Variants in UBAP1 observed in about 807,000 individuals in gnomAD.
UBAP1 encodes ubiquitin associated protein 1, also known as ubiquitin-associated protein 1.
A neutral mutation model predicts 39.0 loss-of-function variants in UBAP1; 5 were observed. The ratio of observed to expected loss-of-function variants is 0.13; its 90% CI spans 0.07 to 0.27. The LOEUF is 0.27. UBAP1 is among the 10% of genes least tolerant of loss of function. UBAP1 has a pLI of 1.00. For missense variants in UBAP1, 490 were observed against 608.1 expected, an observed-to-expected ratio of 0.81 and a Z score of 2.04; for synonymous variants, 211 against 225.1, an observed-to-expected ratio of 0.94 and a Z score of 0.56.
chr9:34,195,927 GTTTTTTTTTTTTTTTTTT>G (rs57040252), intron 1 of UBAP1, among the ~76,000 whole-genome samples: 493 of 36,150 alleles, frequency 0.014, 3 homozygotes, highest in East Asian at 0.099. Context: ...AAATTTTTTG[GTTTTTTTTTTTTTTTTTT>G]TTTTTTTTTT....
chr9:34,186,239 T>C (rs1830399148), intron 1 of UBAP1, among the ~76,000 whole-genome samples: 1 of 152,246 alleles, frequency 6.6e-6, no homozygotes. Context: ...CCTGATTATT[T>C]TGTACTTCAC....
intron 1 of UBAP1, among the ~76,000 whole-genome samples, chr9:34,190,403 C>T (rs1830647626): frequency 6.6e-6 from 1 of 152,084 alleles, no homozygotes; most frequent in South Asian, 2.1e-4. Flanking sequence ...GATTCTCCTG[C>T]CTCAGCCTCC....
At position 34,241,489 on chromosome 9, in the gene UBAP1, A is replaced by G; in HGVS notation, c.464A>G (p.Asn155Ser). 5.6e-6 allele frequency: 9 copies of G among 1,614,108 alleles called. No individual in the cohort carries two copies. Among genetic ancestry groups the G allele is most frequent in the Admixed American group, 1.7e-5 (1 of 60,010 alleles). ...LSPPHIKADF[N>S]LADFECEEDP... ...CCACCTCACATAAAGGCGGATTTCA[A>G]TCTTGCTGACTTTGAGTGTGAAGAA... The change falls in exon 4 of 7, where the codon AAT becomes AGT. Residue 155 changes from asparagine (N) to serine (S), a missense_variant. Asn to Ser is a conservative substitution (Grantham distance 46, BLOSUM62 1). Transcript: ENST00000297661.
chr9:34,184,644 AAG>A (rs200024667), intron 1 of UBAP1, among the ~76,000 whole-genome samples: 26,494 of 142,430 alleles, frequency 0.19, 3,103 homozygotes, highest in Non-Finnish European at 0.26. Context: ...AAAAAAAAAA[AAG>A]AGAGTCTCGC....
intron 6 of UBAP1, 54 bp from the exon 7 acceptor site, chr9:34,251,338 G>C: frequency 1.9e-6 from 3 of 1,591,748 alleles, no homozygotes; most frequent in Non-Finnish European, 2.6e-6. Context: ...CCTTCACTCA[G>C]CTGTGCTGTG....
intron 1 of UBAP1, among the ~76,000 whole-genome samples, chr9:34,200,197 C>T (rs908657123): frequency 9.2e-5 from 14 of 152,140 alleles, no homozygotes; most frequent in Admixed American, 2.0e-4. Flanking sequence ...GTACCTGTCT[C>T]AGTTATATGA....
chr9:34,179,045 G>C lies in UBAP1; in HGVS notation c.-203G>C. The C allele has an allele frequency of 7.9e-7, 1 of 1,267,162 alleles. No individual in the cohort carries two copies. Among genetic ancestry groups the C allele is most frequent in the Non-Finnish European group, 1.0e-6 (1 of 1,004,038 alleles). 78.5% of individuals were successfully genotyped at this position (1,267,162 alleles called of 1,614,324 possible). A position where few individuals can be genotyped will look rare whatever the true frequency, so the allele number is the denominator to read the frequency against. The stretch of plus-strand genomic sequence containing the variant: ...TGGGGCGGTGAGGGGAAGGAGGAGG[G>C]AAGTAGGACTTCAACATGGCGGCTG... On this transcript the variant is annotated 5_prime_UTR_variant, in exon 1 of 7. Coordinates refer to ENST00000297661, the MANE Select transcript of UBAP1 (RefSeq NM_016525.5).
chr9:34,246,492 T>C (rs1270814182), intron 4 of UBAP1, among the ~76,000 whole-genome samples: 2 of 152,254 alleles, frequency 1.3e-5, no homozygotes, highest in Non-Finnish European at 2.9e-5. Context: ...CAACTGTTGA[T>C]GAAGACCAGT....
At chr9:34,226,297 T>G (rs965599784) in intron 2 of UBAP1, among the ~76,000 whole-genome samples, 1 of 150,688 alleles carries the variant, frequency 6.6e-6, no homozygotes, top group African/African-American at 2.4e-5. Context: ...TGGTGCCATC[T>G]CTGCTCACTG....
chr9:34,181,653 C>CTCTT lies in UBAP1; in HGVS notation c.-8+2413_-8+2414insTCTT, dbSNP rs1563880014. Among the ~76,000 whole-genome samples the CTCTT allele has an allele frequency of 2.4e-4, 36 of 147,370 alleles. 1 individual carries two copies. The highest frequency in any genetic ancestry group is 1.1e-3 in the Admixed American group (16 of 14,550). ...TTCACTGGGTTAGCCAGGATGGTCT[C>CTCTT]GATCTCCTGACCTCGTGATCCGCCC... On this transcript the variant is annotated intron_variant, in intron 1 of 6. Coordinates refer to ENST00000297661, the MANE Select transcript of UBAP1 (RefSeq NM_016525.5).
Position 34,235,316 on chromosome 9 carries a change from T to C in UBAP1, c.159+976T>C, listed in dbSNP as rs887006504. On this transcript the variant is annotated intron_variant, in intron 3 of 6. Transcript: ENST00000297661. ...ATATGTGTATATATATATGTGTGTG[T>C]GTGTGTGTGTGTGTGTATATATATA... Among the ~76,000 whole-genome samples the C allele has an allele frequency of 2.8e-5, 4 of 145,022 alleles. No homozygotes were observed. In the Admixed American group the frequency reaches 2.8e-4, roughly 10 times the overall value.
rs757652606 is a variant in UBAP1 at position 34,250,846 on chromosome 9, C to T, written c.1368+87C>T. On this transcript the variant is annotated intron_variant, in intron 6 of 6. Coordinates refer to ENST00000297661, the MANE Select transcript of UBAP1 (RefSeq NM_016525.5). ...GTTTTCTCCCTTGGCCCACACACAACCTTTTTGCTTTGCCAGTGACTACAG... is the reference window on the plus strand; with the variant it reads ...GTTTTCTCCCTTGGCCCACACACAATCTTTTTGCTTTGCCAGTGACTACAG... The T allele has an allele frequency of 1.3e-5, 15 of 1,156,886 alleles. No homozygotes were observed. In the Admixed American group the frequency reaches 2.4e-4, roughly 19 times the overall value. 71.7% of individuals were successfully genotyped at this position (1,156,886 alleles called of 1,614,324 possible). A position where few individuals can be genotyped will look rare whatever the true frequency, so the allele number is the denominator to read the frequency against.
At chr9:34,185,549 A>C (rs552235513) in intron 1 of UBAP1, among the ~76,000 whole-genome samples, 1 of 152,162 alleles carries the variant, frequency 6.6e-6, no homozygotes, top group East Asian at 1.9e-4. Context: ...ATCCTACCTC[A>C]AAAGAAATAA....
rs556210286 is a variant in UBAP1, at chr9:34,252,358, G to A, written c.*826G>A. On this transcript the variant is annotated 3_prime_UTR_variant, in exon 7 of 7. Coordinates refer to ENST00000297661, the MANE Select transcript of UBAP1 (RefSeq NM_016525.5). ...GCCCACTGCTTTAGGATGACACAATGAATAACACCTAGTCATAGAAATCAG... is the reference window on the plus strand; with the variant it reads ...GCCCACTGCTTTAGGATGACACAATAAATAACACCTAGTCATAGAAATCAG... The A allele has an allele frequency of 6.5e-6, 1 of 152,718 alleles. No homozygotes were observed. Among genetic ancestry groups the A allele is most frequent in the East Asian group, 1.9e-4 (1 of 5,186 alleles). 9.5% of individuals were successfully genotyped at this position (152,718 alleles called of 1,614,324 possible).
chr9:34,243,330 AC>A (rs1310867113), intron 4 of UBAP1, among the ~76,000 whole-genome samples: 1 of 152,200 alleles, frequency 6.6e-6, no homozygotes, highest in Non-Finnish European at 1.5e-5. Context: ...TCTTTCTCAA[AC>A]TAGAACGCTT....
intron 1 of UBAP1, among the ~76,000 whole-genome samples, chr9:34,183,552 C>CA (rs750204121): frequency 0.088 from 4,734 of 53,600 alleles, 198 homozygotes; most frequent in East Asian, 0.35. Flanking sequence ...GACTCCGTCT[C>CA]AAAAAAAAAA....
chr9:34,218,975 T>C (rs997543029), intron 1 of UBAP1, among the ~76,000 whole-genome samples: 8 of 152,122 alleles, frequency 5.3e-5, no homozygotes, highest in African/African-American at 1.9e-4. Flanking sequence ...TTCAGTATGG[T>C]TTGCTGGTTC....
At chr9:34,187,064 C>T (rs757768991) in intron 1 of UBAP1, among the ~76,000 whole-genome samples, 13 of 152,104 alleles carry the variant, frequency 8.5e-5, no homozygotes, top group South Asian at 2.1e-4. Context: ...CCTGCCACCA[C>T]GCCCAGCTAA....
At chr9:34,228,486 A>G (rs1394815114) in intron 2 of UBAP1, among the ~76,000 whole-genome samples, 1 of 151,734 alleles carries the variant, frequency 6.6e-6, no homozygotes, top group Non-Finnish European at 1.5e-5. Flanking sequence ...TGGAAGACAT[A>G]TATTTTGTAA....
Sources: allele counts gnomAD v4.1 joint callset (sites outside exome capture counted in the v4.1 genomes callset), GRCh38; gene constraint gnomAD v4.1.1; transcripts MANE v1.5; gene names NCBI Gene and HGNC (gene_info 2026-07-23, HGNC 2026-07-21).